Variants in SOX6 observed in about 807,000 individuals in gnomAD.
SOX6 encodes SRY-box transcription factor 6, also known as transcription factor SOX-6.
SOX6 carries 11 observed loss-of-function variants against 97.8 expected under a neutral mutation model. That is an observed-to-expected ratio of 0.11 (90% CI 0.07 to 0.19). The LOEUF is 0.19. Among genes scored for constraint, SOX6 ranks in the 10% least tolerant of loss-of-function variants. The pLI is 1.00. For missense variants in SOX6, 810 were observed against 1,039.5 expected (o/e 0.78, Z 3.04); for synonymous variants, 360 against 371.4 (o/e 0.97, Z 0.35).
chr11:16,057,826 T>C (rs1041857871), intron 9 of SOX6, among the ~76,000 whole-genome samples: 1 of 152,140 alleles, frequency 6.6e-6, no homozygotes, highest in African/African-American at 2.4e-5. Context: ...TATGTTGCCT[T>C]CCTATTCTTG....
At chr11:16,155,602 C>T (rs918191767) in intron 6 of SOX6, among the ~76,000 whole-genome samples, 2 of 152,068 alleles carry the variant, frequency 1.3e-5, no homozygotes, top group African/African-American at 4.8e-5. Context: ...TAATATAATA[C>T]ATAAGGCATG....
intron 1 of SOX6, among the ~76,000 whole-genome samples, chr11:16,362,890 G>A (rs1040103221): frequency 7.2e-5 from 11 of 152,244 alleles, no homozygotes; most frequent in African/African-American, 1.9e-4. Context: ...CTGTGAAAAT[G>A]GCCACACAGG....
At chr11:15,997,525 T>C (rs1196501680) in intron 13 of SOX6, among the ~76,000 whole-genome samples, 1 of 152,190 alleles carries the variant, frequency 6.6e-6, no homozygotes, top group African/African-American at 2.4e-5. Context: ...TGGTTTAACA[T>C]TTGAAAATCA....
At chr11:16,254,224 A>G (rs1248667284) in intron 3 of SOX6, among the ~76,000 whole-genome samples, 1 of 152,076 alleles carries the variant, frequency 6.6e-6, no homozygotes, top group Non-Finnish European at 1.5e-5. Flanking sequence ...TTCAGGGAGA[A>G]GGAAAATTAT....
intron 1 of SOX6, among the ~76,000 whole-genome samples, chr11:16,353,441 TTGTC>T (rs1856999263): frequency 6.6e-6 from 1 of 152,062 alleles, no homozygotes; most frequent in African/African-American, 2.4e-5. Flanking sequence ...TAAATTATAA[TTGTC>T]TGTGAAAGCT....
chr11:16,680,127 G>A (rs550732269), intron 3 of SOX6, among the ~76,000 whole-genome samples: 4 of 152,068 alleles, frequency 2.6e-5, no homozygotes, highest in Non-Finnish European at 4.4e-5. Flanking sequence ...AAGATACTCC[G>A]TGAGAAGAGC....
At chr11:16,410,657 G>A (rs1054757734) in intron 1 of SOX6, among the ~76,000 whole-genome samples, 2 of 150,928 alleles carry the variant, frequency 1.3e-5, no homozygotes, top group Admixed American at 1.3e-4. Context: ...ACTTGAGGGA[G>A]CTGAGATTGG....
intron 1 of SOX6, among the ~76,000 whole-genome samples, chr11:16,451,076 A>T (rs568816964): frequency 4.9e-4 from 74 of 152,092 alleles, no homozygotes; most frequent in South Asian, 1.0e-3. Context: ...ACAAAAAAAT[A>T]AAAAAATTAG....
At chr11:16,279,175 T>C (rs1466642864) in intron 3 of SOX6, among the ~76,000 whole-genome samples, 1 of 151,988 alleles carries the variant, frequency 6.6e-6, no homozygotes, top group Non-Finnish European at 1.5e-5. Flanking sequence ...ACTATTGAAA[T>C]ACAACAGTGG....
intron 4 of SOX6, among the ~76,000 whole-genome samples, chr11:16,563,927 T>C (rs778719002): frequency 5.3e-5 from 8 of 152,112 alleles, no homozygotes; most frequent in Non-Finnish European, 8.8e-5. Context: ...TCAGAAACCA[T>C]AGAAGCCAGA....
chr11:16,621,727 T>C (rs889007363), intron 3 of SOX6, among the ~76,000 whole-genome samples: 2 of 152,212 alleles, frequency 1.3e-5, no homozygotes, highest in African/African-American at 4.8e-5. Flanking sequence ...CTATAGCATA[T>C]CTATTAATAA....
At chr11:16,648,907 G>T (rs1385424310) in intron 3 of SOX6, among the ~76,000 whole-genome samples, 1 of 151,912 alleles carries the variant, frequency 6.6e-6, no homozygotes, top group Non-Finnish European at 1.5e-5. Context: ...CAGAGAAATA[G>T]ATATCAAAAA....
At chr11:16,536,622 T>C (rs1337160468) in intron 4 of SOX6, among the ~76,000 whole-genome samples, 1 of 152,200 alleles carries the variant, frequency 6.6e-6, no homozygotes, top group African/African-American at 2.4e-5. Flanking sequence ...TTCGACAATC[T>C]TAGCAACCGG....
At chr11:15,978,671 G>A (rs958866653) in intron 15 of SOX6, among the ~76,000 whole-genome samples, 3 of 149,508 alleles carry the variant, frequency 2.0e-5, no homozygotes, top group Non-Finnish European at 4.4e-5. Flanking sequence ...TTATCTATAT[G>A]CTGACAACGT....
At chr11:16,244,491 C>G (rs965492516) in intron 3 of SOX6, among the ~76,000 whole-genome samples, 2 of 151,640 alleles carry the variant, frequency 1.3e-5, no homozygotes, top group African/African-American at 4.8e-5. Flanking sequence ...TGGATTCTCT[C>G]TATGAAATTT....
At chr11:16,120,612 A>G (rs1242903161) in intron 6 of SOX6, among the ~76,000 whole-genome samples, 3 of 151,602 alleles carry the variant, frequency 2.0e-5, no homozygotes, top group Admixed American at 6.6e-5. Context: ...ATATACTTCA[A>G]TGAAAAGTTG....
chr11:16,301,057 T>G (rs1307519060), intron 3 of SOX6, among the ~76,000 whole-genome samples: 1 of 152,178 alleles, frequency 6.6e-6, no homozygotes, highest in Non-Finnish European at 1.5e-5. Context: ...CACTCTAAAC[T>G]AGTCACTAAG....
intron 12 of SOX6, among the ~76,000 whole-genome samples, chr11:16,041,408 A>G (rs571288518): frequency 6.6e-6 from 1 of 152,268 alleles, no homozygotes; most frequent in East Asian, 1.9e-4. Context: ...AGGGGGCAGT[A>G]TTACATCAGT....
At chr11:16,362,561 C>T (rs927015470) in intron 1 of SOX6, among the ~76,000 whole-genome samples, 1 of 151,886 alleles carries the variant, frequency 6.6e-6, no homozygotes, top group Non-Finnish European at 1.5e-5. Flanking sequence ...CAAGATAATT[C>T]TCTAGAGGAA....
Sources: gnomAD v4.1 joint callset for allele counts (sites outside exome capture counted in the v4.1 genomes callset) on GRCh38, gnomAD v4.1.1 for gene constraint, MANE v1.5 for transcripts, NCBI Gene and HGNC (gene_info 2026-07-23, HGNC 2026-07-21) for gene names.